Variants in MME observed in about 807,000 individuals in gnomAD.
The protein encoded by MME is neprilysin.
MME carries 98 observed loss-of-function variants against 113.2 expected under a neutral mutation model. The observed-to-expected ratio is 0.87, with a 90% CI of 0.74 to 1.02. The LOEUF (loss-of-function observed/expected upper bound fraction) is 1.02, where lower values mean the gene tolerates loss of function less well. Among genes scored for constraint, MME ranks in the 50% least tolerant of loss-of-function variants. The pLI, the probability that MME is intolerant of heterozygous loss-of-function variation, is 0.00. For missense variants in MME, 836 were observed against 896.0 expected (o/e 0.93, Z 0.86); for synonymous variants, 292 against 300.6 (o/e 0.97, Z 0.30).
intron 14 of MME, among the ~76,000 whole-genome samples, chr3:155,145,384 TCC>T (rs1721424883): frequency 6.6e-6 from 1 of 152,116 alleles, no homozygotes; most frequent in African/African-American, 2.4e-5. Flanking sequence ...TAGGAAGGCT[TCC>T]CTCATCTCAC....
At chr3:155,036,341 C>A (rs768520741) in intron 1 of MME, among the ~76,000 whole-genome samples, 1 of 152,122 alleles carries the variant, frequency 6.6e-6, no homozygotes, top group Non-Finnish European at 1.5e-5. Context: ...GACAGTTTTA[C>A]GCTTTTATGT....
intron 3 of MME, among the ~76,000 whole-genome samples, chr3:155,088,893 A>C (rs536389492): frequency 6.6e-6 from 1 of 152,158 alleles, no homozygotes; most frequent in Non-Finnish European, 1.5e-5. Context: ...CCTTTCTTCC[A>C]GTGGAAGGGA....
chr3:155,142,588 T>G (rs1256056692), intron 12 of MME, among the ~76,000 whole-genome samples: 1 of 152,208 alleles, frequency 6.6e-6, no homozygotes, highest in Non-Finnish European at 1.5e-5. Flanking sequence ...AACCAGTTCA[T>G]GAAAGAATAC....
At chr3:155,066,020 C>T (rs774964348) in intron 1 of MME, among the ~76,000 whole-genome samples, 2 of 152,154 alleles carry the variant, frequency 1.3e-5, no homozygotes, top group African/African-American at 2.4e-5. Context: ...TCACTATTCA[C>T]TTAGCAGAGC....
chr3:155,066,608 A>T (rs991394809), intron 1 of MME, among the ~76,000 whole-genome samples: 9 of 152,246 alleles, frequency 5.9e-5, no homozygotes, highest in African/African-American at 1.9e-4. Context: ...ATTGAATATT[A>T]CTTATGTAAT....
chr3:155,093,596 G>T (rs966146014), intron 3 of MME, among the ~76,000 whole-genome samples: 1 of 152,114 alleles, frequency 6.6e-6, no homozygotes, highest in Non-Finnish European at 1.5e-5. Context: ...TTTGGCTCAC[G>T]TCTATAATCC....
intron 1 of MME, among the ~76,000 whole-genome samples, chr3:155,034,628 G>A (rs1288405064): frequency 6.6e-6 from 1 of 152,104 alleles, no homozygotes; most frequent in South Asian, 2.1e-4. Flanking sequence ...TTTTTATAAA[G>A]CACAAATGAA....
intron 3 of MME, among the ~76,000 whole-genome samples, chr3:155,103,714 C>A (rs569716777): frequency 8.1e-4 from 123 of 152,308 alleles, no homozygotes; most frequent in Non-Finnish European, 1.4e-3. Context: ...CCTCCCTTCT[C>A]AATAATTTAT....
intron 1 of MME, chr3:155,024,397 C>G (rs1019005049): frequency 8.5e-5 from 13 of 152,182 alleles, no homozygotes; most frequent in Non-Finnish European, 2.9e-5. Flanking sequence ...AGAATCTTAT[C>G]TACACTGATA....
At chr3:155,072,455 A>G (rs962850072) in intron 1 of MME, among the ~76,000 whole-genome samples, 3 of 152,288 alleles carry the variant, frequency 2.0e-5, no homozygotes, top group South Asian at 2.1e-4. Flanking sequence ...CTTTGTATCT[A>G]TAATATTCTA....
intron 1 of MME, among the ~76,000 whole-genome samples, chr3:155,047,552 T>C (rs893901102): frequency 2.6e-5 from 4 of 152,222 alleles, no homozygotes; most frequent in Non-Finnish European, 1.5e-5. Context: ...AGTCTCTACA[T>C]GTCTCATGAG....
At chr3:155,164,866 A>C (rs1211962583) in intron 17 of MME, among the ~76,000 whole-genome samples, 1 of 152,174 alleles carries the variant, frequency 6.6e-6, no homozygotes, top group East Asian at 1.9e-4. Context: ...ATGTTATGGC[A>C]ACTTTCCAAA....
At chr3:155,118,909 T>A (rs2108261838) in intron 8 of MME, 98 bp downstream of exon 8, 1 of 815,418 alleles carries the variant, frequency 1.2e-6, no homozygotes. Flanking sequence ...TTTAGCCCTC[T>A]GATGTTTTTC....
rs1388412295 is a variant in MME at position 155,180,536 on chromosome 3, A to C, written c.*77A>C. The C allele has an allele frequency of 8.8e-7, 1 of 1,140,758 alleles. No individual in the cohort carries two copies. The highest frequency in any genetic ancestry group is 2.4e-5 in the East Asian group (1 of 42,348). 70.7% of individuals were successfully genotyped at this position (1,140,758 alleles called of 1,614,324 possible). On this transcript the variant is annotated 3_prime_UTR_variant, in exon 23 of 23. Transcript: ENST00000360490. Reference sequence around the variant, plus strand: ...ATGGGGAATTCTCTAATCGAAAGAAAATGGGCCCTAGGGGTCACTGTACTG... The same window carrying C: ...ATGGGGAATTCTCTAATCGAAAGAACATGGGCCCTAGGGGTCACTGTACTG...
intron 4 of MME, among the ~76,000 whole-genome samples, chr3:155,115,758 A>C (rs2108253154): frequency 6.6e-6 from 1 of 152,232 alleles, no homozygotes; most frequent in African/African-American, 2.4e-5. Flanking sequence ...TTACAGAAGA[A>C]AAAAAATTAA....
Position 155,176,097 on chromosome 3 carries a change from G to T in MME, c.2153+3485G>T, listed in dbSNP as rs140679932. ...ATTGGATACCTTATTCCTGAATGAA[G>T]GCAGTTAACTATGTAGCCAAGTCAT... On this transcript the variant is annotated intron_variant, in intron 22 of 22. Coordinates refer to ENST00000360490, the MANE Select transcript of MME (RefSeq NM_007289.4). Among the ~76,000 whole-genome samples, 617 of 152,238 alleles carry T rather than the reference G, an allele frequency of 4.1e-3. 7 individuals are homozygous for T. Among genetic ancestry groups the T allele is most frequent in the African/African-American group, 0.014 (574 of 41,530 alleles).
intron 15 of MME, among the ~76,000 whole-genome samples, chr3:155,148,043 A>ATGGG (rs1306494589): frequency 2.0e-5 from 3 of 152,186 alleles, no homozygotes; most frequent in African/African-American, 7.2e-5. Context: ...TCCAGATCCC[A>ATGGG]GTTCCACCAC....
chr3:155,108,951 G>T (rs1160435942), intron 3 of MME, among the ~76,000 whole-genome samples: 1 of 152,250 alleles, frequency 6.6e-6, no homozygotes, highest in Non-Finnish European at 1.5e-5. Flanking sequence ...CAGACTTAAG[G>T]TTGCGTCTTC....
intron 20 of MME, among the ~76,000 whole-genome samples, chr3:155,170,625 A>G (rs1711821330): frequency 6.6e-6 from 1 of 152,126 alleles, no homozygotes; most frequent in African/African-American, 2.4e-5. Context: ...TTTTCCTAGC[A>G]TTGGGTATTT....
Sources: gnomAD v4.1 joint callset for allele counts (sites outside exome capture counted in the v4.1 genomes callset) on GRCh38, gnomAD v4.1.1 for gene constraint, MANE v1.5 for transcripts, NCBI Gene and HGNC (gene_info 2026-07-23, HGNC 2026-07-21) for gene names.